The following CREBBP variants were observed in gnomAD, a reference collection of about 807,000 sequenced individuals.
CREBBP encodes CREB binding lysine acetyltransferase, also known as CREB-binding protein.
A neutral mutation model predicts 265.0 loss-of-function variants in CREBBP; 19 were observed. The observed-to-expected ratio is 0.07, with a 90% CI of 0.05 to 0.11. The LOEUF is 0.11. Among genes scored for constraint, CREBBP ranks in the 10% least tolerant of loss-of-function variants. The pLI is 1.00. For missense variants in CREBBP, 2,525 were observed against 3,219.0 expected (o/e 0.78, Z 5.22); for synonymous variants, 1,457 against 1,223.7 (o/e 1.19, Z -3.98).
chr16:3,869,694 T>C (rs2055253712), intron 1 of CREBBP, among the ~76,000 whole-genome samples: 1 of 152,142 alleles, frequency 6.6e-6, no homozygotes, highest in African/African-American at 2.4e-5. Flanking sequence ...TACTGTGTCA[T>C]ATAGACACAG....
chr16:3,824,017 TA>T lies in CREBBP; in HGVS notation c.799-13239del, dbSNP rs1472094078. On this transcript the variant is annotated intron_variant, in intron 2 of 30. Transcript: ENST00000262367. ...ACTCATCTAGGAACATGAAGTGTGT[TA>T]AAGTCTTTCAGGAGGGAGGTACTGT... 7.3e-5 allele frequency among the ~76,000 whole-genome samples: 11 copies of T among 151,690 alleles called. No individual in the cohort carries two copies. The South Asian group carries it at 1.5e-3, about 20-fold the overall frequency.
Position 3,754,063 on chromosome 16 carries a change from T to G in CREBBP, c.3699-2257A>C, listed in dbSNP as rs147625056. 4.2e-3 allele frequency among the ~76,000 whole-genome samples: 639 copies of G among 152,176 alleles called. 7 individuals carry two copies. The highest frequency in any genetic ancestry group is 0.015 in the African/African-American group (609 of 41,502). ...GCAGCCCATGCAGTGGCTGGGAAAC[T>G]GAGGCTCTTCCTGTATGACTGACTC... On this transcript the variant is annotated intron_variant, in intron 19 of 30. Coordinates refer to ENST00000262367, the MANE Select transcript of CREBBP (RefSeq NM_004380.3).
intron 3 of CREBBP, among the ~76,000 whole-genome samples, chr16:3,801,069 G>C (rs2053702729): frequency 6.6e-6 from 1 of 152,164 alleles, no homozygotes; most frequent in African/African-American, 2.4e-5. Context: ...CGAGGGAAGA[G>C]TACTCTGGGG....
intron 11 of CREBBP, 51 bp downstream of exon 11, chr16:3,777,562 T>C (rs749983244): frequency 8.3e-6 from 13 of 1,569,562 alleles, no homozygotes; most frequent in Non-Finnish European, 1.1e-5. Context: ...GTGAAAGTTA[T>C]GGCTGTTGAA....
intron 2 of CREBBP, among the ~76,000 whole-genome samples, chr16:3,813,608 T>C (rs2053979539): frequency 6.6e-6 from 1 of 152,194 alleles, no homozygotes; most frequent in Admixed American, 6.5e-5. Flanking sequence ...TATAGTTTTT[T>C]TTCCCCCAGT....
In CREBBP at chr16:3,769,254, C is replaced by T. The variant is rs199757066; in HGVS notation, c.2980G>A (p.Val994Met). 193 of 1,614,074 alleles carry T rather than the reference C, an allele frequency of 1.2e-4. No homozygotes were observed. Among genetic ancestry groups the T allele is most frequent in the Non-Finnish European group, 1.5e-4 (177 of 1,180,048 alleles). Residue 994 changes from valine (V) to methionine (M), a missense_variant, in exon 15 of 31, where the codon GTG becomes ATG. Around this residue, in one of 19 missense-constraint regions of CREBBP, gnomAD observed 548 missense variants for 533.0 expected, o/e 1.03. Coordinates refer to ENST00000262367, the MANE Select transcript of CREBBP (RefSeq NM_004380.3). ...NSQQPGPDVP[V>M]LEMKTETQAE... ...TGGGTCTCCGTCTTCATTTCCAGCA[C>T]AGGTACGTCAGGTCCTGGCTGCTGG...
intron 2 of CREBBP, among the ~76,000 whole-genome samples, chr16:3,841,819 G>T (rs531977848): frequency 4.3e-4 from 65 of 152,204 alleles, no homozygotes; most frequent in African/African-American, 1.4e-3. Context: ...TACGGTCACC[G>T]GTGAGCTGGT....
chr16:3,823,387 C>A (rs949214667), intron 2 of CREBBP, among the ~76,000 whole-genome samples: 12 of 152,158 alleles, frequency 7.9e-5, no homozygotes, highest in African/African-American at 2.9e-4. Context: ...TGAGTGGTAA[C>A]TGAAATCAAA....
rs748005456 is a variant in CREBBP, at chr16:3,745,279, T to C, written c.3912A>G (p.Ser1304=). Residue 1304 remains serine (S), a splice_region_variant and synonymous_variant, in exon 22 of 31, where the codon TCA becomes TCG. Coordinates refer to ENST00000262367, the MANE Select transcript of CREBBP (RefSeq NM_004380.3). ...CCAGGCCAGGGGAAACAACTCACCC[T>C]GAAGGCCAAATGATGTCATAGTGCA... The part of the protein sequence containing the change: ...CVLHYDIIWP[S]GFVCDNCLKK... The C allele has an allele frequency of 6.8e-6, 11 of 1,613,492 alleles. No individual in the cohort carries two copies. The highest frequency in any genetic ancestry group is 1.1e-5 in the South Asian group (1 of 90,940).
In CREBBP at chr16:3,797,737, G is replaced by C. The variant is rs771853890; in HGVS notation, c.976-4111C>G. ...TAAAGGTGGTGCTTTACATTCAAGAGTGGTGAGGCATCTTTGATCCTTATC... is the reference window on the plus strand; with the variant it reads ...TAAAGGTGGTGCTTTACATTCAAGACTGGTGAGGCATCTTTGATCCTTATC... On this transcript the variant is annotated intron_variant, in intron 3 of 30. Transcript: ENST00000262367. 2.8e-4 allele frequency among the ~76,000 whole-genome samples: 43 copies of C among 151,762 alleles called. 1 individual carries two copies. The highest frequency in any genetic ancestry group is 3.2e-3 in the Middle Eastern group (1 of 316).
At chr16:3,741,377 A>C (rs900985859) in intron 23 of CREBBP, 5 of 152,280 alleles carry the variant, frequency 3.3e-5, no homozygotes, top group Admixed American at 2.0e-4. Flanking sequence ...GAGAAATAGG[A>C]AAATTGGGAA....
intron 26 of CREBBP, among the ~76,000 whole-genome samples, chr16:3,737,755 AT>A (rs140142735): frequency 6.7e-6 from 1 of 148,186 alleles, no homozygotes; most frequent in Non-Finnish European, 1.5e-5. Context: ...AGGTGAGCCA[AT>A]TTTTTTTTGT....
At chr16:3,867,620 AT>A (rs1185913325) in intron 1 of CREBBP, among the ~76,000 whole-genome samples, 2 of 152,252 alleles carry the variant, frequency 1.3e-5, no homozygotes, top group East Asian at 3.9e-4. Context: ...GACTTAATTA[AT>A]TAAAAGAAAG....
Position 3,833,266 on chromosome 16 carries a change from G to A in CREBBP, c.798+17031C>T, listed in dbSNP as rs569032144. On this transcript the variant is annotated intron_variant, in intron 2 of 30. Coordinates refer to ENST00000262367, the MANE Select transcript of CREBBP (RefSeq NM_004380.3). ...CGTATCTACTAAAAATACAAAATTA[G>A]CTGGGTGTGGTGGCGCAAGCCTGTA... 2.5e-4 allele frequency among the ~76,000 whole-genome samples: 38 copies of A among 152,304 alleles called. 1 individual carries two copies. The South Asian group carries it at 7.7e-3, about 31-fold the overall frequency.
At chr16:3,825,311 T>G (rs543220830) in intron 2 of CREBBP, among the ~76,000 whole-genome samples, 1 of 152,206 alleles carries the variant, frequency 6.6e-6, no homozygotes, top group African/African-American at 2.4e-5. Flanking sequence ...AGTTTTTACT[T>G]AGTAAATAAA....
chr16:3,738,254 C>A (rs1396227071), intron 26 of CREBBP, among the ~76,000 whole-genome samples: 2 of 150,210 alleles, frequency 1.3e-5, no homozygotes, highest in African/African-American at 2.5e-5. Flanking sequence ...CTAAAAACCA[C>A]TGAATCATAT....
At chr16:3,816,433 T>C (rs1038964627) in intron 2 of CREBBP, among the ~76,000 whole-genome samples, 2 of 152,180 alleles carry the variant, frequency 1.3e-5, no homozygotes, top group African/African-American at 4.8e-5. Context: ...AGCCTTAACA[T>C]GACTGCAGTG....
At chr16:3,839,113 T>G (rs1168301465) in intron 2 of CREBBP, among the ~76,000 whole-genome samples, 2 of 152,246 alleles carry the variant, frequency 1.3e-5, no homozygotes, top group Non-Finnish European at 1.5e-5. Context: ...CAATGGCAGC[T>G]ACTATTATCC....
chr16:3,846,474 G>C (rs1197844671), intron 2 of CREBBP, among the ~76,000 whole-genome samples: 1 of 152,142 alleles, frequency 6.6e-6, no homozygotes, highest in Non-Finnish European at 1.5e-5. Context: ...TAGCAGATAT[G>C]GTCACTCAGC....
Sources: gnomAD v4.1 joint callset for allele counts (sites outside exome capture counted in the v4.1 genomes callset) on GRCh38, gnomAD v4.1.1 for gene constraint, gnomAD v4.1.1 regional missense constraint, MANE v1.5 for transcripts, NCBI Gene and HGNC (gene_info 2026-07-23, HGNC 2026-07-21) for gene names.